Variants in GALNT17 observed in about 807,000 individuals in gnomAD.
GALNT17 encodes UDP-GalNAc:polypeptide N-acetylgalactosaminyltransferase-like 3.
GALNT17 carries 29 observed loss-of-function variants against 63.7 expected under a neutral mutation model. That is an observed-to-expected ratio of 0.46 (90% CI 0.34 to 0.62). GALNT17 has a LOEUF of 0.62. Among genes scored for constraint, GALNT17 ranks in the 20% least tolerant of loss-of-function variants. The pLI is 0.01. For missense variants in GALNT17, 603 were observed against 799.6 expected, an observed-to-expected ratio of 0.75 and a Z score of 2.97; for synonymous variants, 305 against 318.3, an observed-to-expected ratio of 0.96 and a Z score of 0.45.
intron 1 of GALNT17, among the ~76,000 whole-genome samples, chr7:71,217,165 T>C (rs1173278986): frequency 6.7e-6 from 1 of 148,440 alleles, no homozygotes; most frequent in Non-Finnish European, 1.5e-5. Flanking sequence ...TTTTTTTTTT[T>C]GAGATAGAGT....
intron 6 of GALNT17, among the ~76,000 whole-genome samples, chr7:71,613,305 G>A (rs940509124): frequency 6.6e-6 from 1 of 152,184 alleles, no homozygotes; most frequent in Non-Finnish European, 1.5e-5. Flanking sequence ...ATTTGTAGAT[G>A]GCAATGAGGA....
chr7:71,170,524 C>G (rs1448055342), intron 1 of GALNT17, among the ~76,000 whole-genome samples: 2 of 151,880 alleles, frequency 1.3e-5, no homozygotes, highest in African/African-American at 4.8e-5. Flanking sequence ...TTAGTAGAGA[C>G]GGGGTTTCAC....
chr7:71,231,828 A>G (rs997359258), intron 1 of GALNT17, among the ~76,000 whole-genome samples: 2 of 151,918 alleles, frequency 1.3e-5, no homozygotes, highest in African/African-American at 4.8e-5. Context: ...CACTAATCCC[A>G]TTATGAGGGC....
At chr7:71,346,135 G>A (rs567450676) in intron 2 of GALNT17, among the ~76,000 whole-genome samples, 3 of 151,878 alleles carry the variant, frequency 2.0e-5, no homozygotes, top group Non-Finnish European at 4.4e-5. Flanking sequence ...AAGGCTACAG[G>A]GAGCTATGAT....
chr7:71,602,304 C>T (rs1043176221), intron 6 of GALNT17, among the ~76,000 whole-genome samples: 6 of 152,118 alleles, frequency 3.9e-5, no homozygotes, highest in Admixed American at 6.6e-5. Flanking sequence ...CTCTTTTTAT[C>T]TTTAGTCTGT....
intron 9 of GALNT17, among the ~76,000 whole-genome samples, chr7:71,694,203 A>G (rs986095362): frequency 9.9e-5 from 15 of 152,244 alleles, no homozygotes; most frequent in Admixed American, 2.6e-4. Context: ...AGCACAGGAA[A>G]GACCCACCTC....
chr7:71,219,336 C>T (rs1166627548), intron 1 of GALNT17, among the ~76,000 whole-genome samples: 3 of 152,140 alleles, frequency 2.0e-5, no homozygotes, highest in Non-Finnish European at 2.9e-5. Context: ...ATATGTGTAT[C>T]TCTTTCTTAT....
intron 5 of GALNT17, among the ~76,000 whole-genome samples, chr7:71,564,293 T>C (rs1455317888): frequency 1.2e-4 from 10 of 84,042 alleles, no homozygotes; most frequent in African/African-American, 3.0e-4. Context: ...TTTTTTTTTT[T>C]TTTTTTTTTG....
At chr7:71,178,452 G>A (rs1796058) in intron 1 of GALNT17, among the ~76,000 whole-genome samples, 18,438 of 151,984 alleles carry the variant, frequency 0.12, 1,675 homozygotes, top group African/African-American at 0.25. Flanking sequence ...TCTGTAAGTT[G>A]TAGGCCTATT....
intron 1 of GALNT17, among the ~76,000 whole-genome samples, chr7:71,305,462 G>T (rs1276961212): frequency 6.6e-6 from 1 of 152,208 alleles, no homozygotes; most frequent in South Asian, 2.1e-4. Context: ...TGGGATGGCA[G>T]ATTCAGTCCC....
At chr7:71,401,482 A>C (rs1563066202) in intron 3 of GALNT17, among the ~76,000 whole-genome samples, 1 of 151,652 alleles carries the variant, frequency 6.6e-6, no homozygotes, top group African/African-American at 2.4e-5. Flanking sequence ...GGGGTCCCCA[A>C]CCCCCCAGGC....
chr7:71,481,890 C>T (rs943220474), intron 5 of GALNT17, among the ~76,000 whole-genome samples: 12 of 152,142 alleles, frequency 7.9e-5, no homozygotes, highest in Non-Finnish European at 1.2e-4. Flanking sequence ...TTATAGCCGT[C>T]ATTTCCCCTT....
At chr7:71,702,341 G>A (rs1791663727) in intron 9 of GALNT17, among the ~76,000 whole-genome samples, 2 of 152,160 alleles carry the variant, frequency 1.3e-5, no homozygotes, top group Non-Finnish European at 1.5e-5. Flanking sequence ...AGAAGGAACA[G>A]CCAGTGCAAA....
intron 1 of GALNT17, among the ~76,000 whole-genome samples, chr7:71,309,545 A>G (rs6949288): frequency 0.92 from 140,168 of 152,122 alleles, 64,611 homozygotes; most frequent in East Asian, 1. Context: ...TTGTCGTGTC[A>G]TTTACTGCAA....
chr7:71,178,873 A>T (rs67059538), intron 1 of GALNT17, among the ~76,000 whole-genome samples: 15,459 of 152,054 alleles, frequency 0.1, 1,337 homozygotes, highest in East Asian at 0.46. Flanking sequence ...GATTTTTTTT[A>T]AATGAATTTT....
chr7:71,648,721 G>A (rs1242672791), intron 6 of GALNT17, among the ~76,000 whole-genome samples: 1 of 152,156 alleles, frequency 6.6e-6, no homozygotes, highest in African/African-American at 2.4e-5. Context: ...ACAGGCATAA[G>A]CCACCAAGCC....
At chr7:71,489,549 G>T (rs567557783) in intron 5 of GALNT17, among the ~76,000 whole-genome samples, 2 of 152,206 alleles carry the variant, frequency 1.3e-5, no homozygotes, top group African/African-American at 2.4e-5. Flanking sequence ...AGTGTGGAAG[G>T]TGTTAGCTGA....
chr7:71,271,775 G>T (rs932441427), intron 1 of GALNT17, among the ~76,000 whole-genome samples: 1 of 152,012 alleles, frequency 6.6e-6, no homozygotes, highest in Non-Finnish European at 1.5e-5. Context: ...TTATTTAGTG[G>T]TGGGGACAGG....
At chr7:71,296,611 A>G (rs969105664) in intron 1 of GALNT17, among the ~76,000 whole-genome samples, 2 of 137,818 alleles carry the variant, frequency 1.5e-5, no homozygotes, top group Admixed American at 1.5e-4. Flanking sequence ...GCGAGACTCC[A>G]TCTAAAAAAA....
Sources: gnomAD v4.1 joint callset for allele counts (sites outside exome capture counted in the v4.1 genomes callset) on GRCh38, gnomAD v4.1.1 for gene constraint, MANE v1.5 for transcripts, NCBI Gene and HGNC (gene_info 2026-07-23, HGNC 2026-07-21) for gene names.